Variants in OLFML2A observed in about 807,000 individuals in gnomAD.
OLFML2A encodes olfactomedin-like protein 2A.
A neutral mutation model predicts 60.9 loss-of-function variants in OLFML2A; 47 were observed. The ratio of observed to expected loss-of-function variants is 0.77; its 90% confidence interval spans 0.61 to 0.98. The LOEUF is 0.98. OLFML2A is among the 50% of genes least tolerant of loss of function. The pLI is 0.00. For missense variants in OLFML2A, 922 were observed against 879.8 expected (o/e 1.05, Z -0.61); for synonymous variants, 372 against 375.0 (o/e 0.99, Z 0.09).
chr9:124,785,949 A>G (rs1370231410), intron 1 of OLFML2A, among the ~76,000 whole-genome samples: 1 of 152,112 alleles, frequency 6.6e-6, no homozygotes, highest in East Asian at 1.9e-4. Flanking sequence ...TCCCATCTCT[A>G]CAGAAAATTT....
At chr9:124,798,437 G>T (rs948787490) in intron 3 of OLFML2A, among the ~76,000 whole-genome samples, 1 of 152,078 alleles carries the variant, frequency 6.6e-6, no homozygotes, top group Non-Finnish European at 1.5e-5. Flanking sequence ...GGAGGAAGAG[G>T]TTGTCGCAGT....
At position 124,813,406 on chromosome 9, in the gene OLFML2A, T is replaced by C. The variant is rs919123238; in HGVS notation, c.*2994T>C. On this transcript the variant is annotated 3_prime_UTR_variant, in exon 8 of 8. Coordinates refer to ENST00000373580, the MANE Select transcript of OLFML2A (RefSeq NM_182487.4). Reference sequence around the variant, plus strand: ...TGCTAAGCCTGCCACGGGCGTATCCTTGCAGCCTCACAACAGTGGGAGGTC... The same window carrying C: ...TGCTAAGCCTGCCACGGGCGTATCCCTGCAGCCTCACAACAGTGGGAGGTC... The C allele has an allele frequency of 6.6e-6, 1 of 152,250 alleles. No individual in the cohort carries two copies. The highest frequency in any genetic ancestry group is 1.5e-5 in the Non-Finnish European group (1 of 68,048). 9.4% of individuals were successfully genotyped at this position (152,250 alleles called of 1,614,324 possible). A position where few individuals can be genotyped will look rare whatever the true frequency, so the allele number is the denominator to read the frequency against.
At chr9:124,806,258 T>A (rs1225588718) in intron 6 of OLFML2A, among the ~76,000 whole-genome samples, 1 of 152,202 alleles carries the variant, frequency 6.6e-6, no homozygotes, top group African/African-American at 2.4e-5. Flanking sequence ...TATGTGTTCA[T>A]TTGTTTGACA....
chr9:124,785,447 GA>G (rs1409165621), intron 1 of OLFML2A, among the ~76,000 whole-genome samples: 1 of 137,056 alleles, frequency 7.3e-6, no homozygotes, highest in Admixed American at 8.1e-5. Flanking sequence ...ACCCAGGCTG[GA>G]GTGCAGTGGC....
At position 124,810,490 on chromosome 9, in the gene OLFML2A, C is replaced by T. The variant is rs1841992178; in HGVS notation, c.*78C>T. 2.1e-6 allele frequency: 3 copies of T among 1,409,374 alleles called. No individual in the cohort carries two copies. Among genetic ancestry groups the T allele is most frequent in the Non-Finnish European group, 2.8e-6 (3 of 1,057,102 alleles). The allele number at this position is 1,409,374 out of a possible 1,614,324, so 87.3% of individuals were successfully genotyped here. A position where few individuals can be genotyped will look rare whatever the true frequency, so the allele number is the denominator to read the frequency against. Reference sequence around the variant, plus strand: ...CAGCAGCTCCTGCAACTGACCCAGTCCGCAAATATTTATTGGGGGCCAGCC... The same window carrying T: ...CAGCAGCTCCTGCAACTGACCCAGTTCGCAAATATTTATTGGGGGCCAGCC... On this transcript the variant is annotated 3_prime_UTR_variant, in exon 8 of 8. Coordinates refer to ENST00000373580, the MANE Select transcript of OLFML2A (RefSeq NM_182487.4).
At position 124,781,501 on chromosome 9, in the gene OLFML2A, T is replaced by C. The variant is rs1236679900; in HGVS notation, c.90+4141T>C. 1.1e-4 allele frequency among the ~76,000 whole-genome samples: 16 copies of C among 152,230 alleles called. No homozygotes were observed. The East Asian group carries it at 3.1e-3, about 29-fold the overall frequency. On this transcript the variant is annotated intron_variant, in intron 1 of 7. Transcript: ENST00000373580. ...AAAAAGGGCAGACCCAACTTCAAGATGACACAAGTTGGGCGGGCGTGGTGG... is the reference window on the plus strand; with the variant it reads ...AAAAAGGGCAGACCCAACTTCAAGACGACACAAGTTGGGCGGGCGTGGTGG...
intron 2 of OLFML2A, among the ~76,000 whole-genome samples, chr9:124,788,610 AAAAAG>A (rs564465140): frequency 6.6e-6 from 1 of 152,134 alleles, no homozygotes; most frequent in African/African-American, 2.4e-5. Flanking sequence ...CCATCTCAAA[AAAAAG>A]AAAAGAAAAG....
At chr9:124,781,291 G>C (rs1218414760) in intron 1 of OLFML2A, among the ~76,000 whole-genome samples, 1 of 152,190 alleles carries the variant, frequency 6.6e-6, no homozygotes, top group African/African-American at 2.4e-5. Context: ...AGGGTAAGAA[G>C]GAGGCTCAGA....
At position 124,799,486 on chromosome 9, in the gene OLFML2A, G is replaced by T. The variant is rs1417296697; in HGVS notation, c.664G>T (p.Ala222Ser). 6.3e-7 allele frequency: 1 copy of T among 1,589,772 alleles called. No homozygotes were observed. Among genetic ancestry groups the T allele is most frequent in the Non-Finnish European group, 8.6e-7 (1 of 1,168,992 alleles). The change falls in exon 4 of 8, where the codon GCC becomes TCC. Residue 222 changes from alanine (A) to serine (S), a missense_variant. Coordinates refer to ENST00000373580, the MANE Select transcript of OLFML2A (RefSeq NM_182487.4). ...CCCTGCCACGGGCACTGGTAGCAAGGCCCAGGTGAGGCCCCAGCTCTGATC... is the reference window on the plus strand; with the variant it reads ...CCCTGCCACGGGCACTGGTAGCAAGTCCCAGGTGAGGCCCCAGCTCTGATC... Reference protein sequence around the residue: ...ATPATGTGSKAQDTARGKGKD... With the variant: ...ATPATGTGSKSQDTARGKGKD...
In OLFML2A at chr9:124,811,038, G is replaced by GCCCAC. The variant is rs1185147521; in HGVS notation, c.*634_*638dup. On this transcript the variant is annotated 3_prime_UTR_variant, in exon 8 of 8. Transcript: ENST00000373580. ...GTCTTTGGCCAGCCCCCTCAGCCCA[G>GCCCAC]CCCACCCCACCCGCTGTCCGGCCAC... 2.1e-5 allele frequency: 3 copies of GCCCAC among 146,110 alleles called. No homozygotes were observed. The highest frequency in any genetic ancestry group is 7.6e-5 in the African/African-American group (3 of 39,728). The allele number at this position is 146,110 out of a possible 1,614,324, so 9.1% of individuals were successfully genotyped here.
chr9:124,790,436 A>G (rs1438376159), intron 2 of OLFML2A, among the ~76,000 whole-genome samples: 1 of 152,064 alleles, frequency 6.6e-6, no homozygotes, highest in South Asian at 2.1e-4. Context: ...CGGCCTCCCA[A>G]TATGCTGGGA....
intron 7 of OLFML2A, among the ~76,000 whole-genome samples, chr9:124,809,507 G>A (rs142683666): frequency 1.3e-5 from 2 of 152,182 alleles, no homozygotes; most frequent in East Asian, 1.9e-4. Context: ...CAGCAGGGAC[G>A]AAGGCCTGGA....
intron 7 of OLFML2A, 133 bp downstream of exon 7, chr9:124,808,099 C>A: frequency 1.5e-6 from 1 of 688,378 alleles, no homozygotes; most frequent in South Asian, 1.9e-5. Context: ...TGTTAGCCAC[C>A]CCAAGGAGGG....
chr9:124,807,740 G>T (rs1841925180), intron 6 of OLFML2A, 41 bp from the exon 7 acceptor site: 1 of 1,527,170 alleles, frequency 6.5e-7, no homozygotes, highest in Non-Finnish European at 8.8e-7. Flanking sequence ...TGGGGGGCTT[G>T]GGGGTCTGTG....
At position 124,795,011 on chromosome 9, in the gene OLFML2A, C is replaced by G. The variant is rs749415313; in HGVS notation, c.355-13C>G. On this transcript the variant is annotated splice_polypyrimidine_tract_variant and intron_variant, in intron 2 of 7. Transcript: ENST00000373580. ...CTGCACTCTTTGCCTAACCATCCCC[C>G]TTCCCCGGGCAGCTGCAGTCCATGG... The G allele has an allele frequency of 5.2e-6, 8 of 1,546,980 alleles. No homozygotes were observed. In the Middle Eastern group the frequency reaches 5.0e-4, roughly 97 times the overall value.
chr9:124,785,284 C>T (rs529304550), intron 1 of OLFML2A, among the ~76,000 whole-genome samples: 2 of 150,910 alleles, frequency 1.3e-5, no homozygotes, highest in Non-Finnish European at 2.9e-5. Flanking sequence ...GAATATTTCT[C>T]TATTCAGTTG....
chr9:124,800,475 C>T (rs72763326), intron 4 of OLFML2A, among the ~76,000 whole-genome samples: 2,372 of 152,368 alleles, frequency 0.016, 32 homozygotes, highest in Non-Finnish European at 0.027. Flanking sequence ...CATGGAGAGG[C>T]GGTGGCGGAG....
rs901261146 is a variant in OLFML2A, at chr9:124,795,927, C to T, written c.462+796C>T. Among the ~76,000 whole-genome samples the T allele has an allele frequency of 9.9e-5, 15 of 152,278 alleles. No individual in the cohort carries two copies. The South Asian group carries it at 2.7e-3, about 27-fold the overall frequency. On this transcript the variant is annotated intron_variant, in intron 3 of 7. Transcript: ENST00000373580. ...ATGTGCTATAGGACTGGGCAGGGGA[C>T]CAGGACTGCCCCTGGGGACAAGGAC...
chr9:124,778,285 C>T (rs1280490891), intron 1 of OLFML2A, among the ~76,000 whole-genome samples: 2 of 151,334 alleles, frequency 1.3e-5, no homozygotes, highest in East Asian at 3.9e-4. Flanking sequence ...GGCGTGAACC[C>T]GGGAGGCGGA....
Sources: allele counts gnomAD v4.1 joint callset (sites outside exome capture counted in the v4.1 genomes callset), GRCh38; gene constraint gnomAD v4.1.1; transcripts MANE v1.5; gene names NCBI Gene and HGNC (gene_info 2026-07-23, HGNC 2026-07-21).